Variants in AGAP9 observed in about 807,000 individuals in gnomAD.
AGAP9 encodes ArfGAP with GTPase domain, ankyrin repeat and PH domain 9, also known as arf-GAP with GTPase, ANK repeat and PH domain-containing protein 9.
AGAP9 carries 23 observed loss-of-function variants against 55.6 expected under a neutral mutation model. The ratio of observed to expected loss-of-function variants is 0.41; its 90% confidence interval spans 0.30 to 0.59. AGAP9 has a LOEUF of 0.59. Ranked by LOEUF, AGAP9 falls within the 20% of genes least tolerant of loss-of-function variation. AGAP9 has a pLI of 0.25. For synonymous variants in AGAP9, 120 were observed against 305.0 expected (o/e 0.39, Z 6.32); for missense variants, 309 against 808.1 (o/e 0.38, Z 7.49).
intron 6 of AGAP9, among the ~76,000 whole-genome samples, chr10:47,506,818 T>C (rs1292257207): frequency 7.1e-6 from 1 of 141,230 alleles, no homozygotes; most frequent in African/African-American, 2.6e-5. Flanking sequence ...TTTTTGTATT[T>C]TTAGTAGAGA....
rs1434292518 is a variant in AGAP9 at position 47,502,761 on chromosome 10, G to A, written c.1368C>T (p.Ser456=). The part of the protein sequence containing the change: ...LQSCKSSKSK[S]QLTSQSEAMA... ...TGGCCTCACTCTGGCTGGTCAGCTG[G>A]GACTTGCTTTTACTGCTCTTGCATG... is the stretch of plus-strand genomic sequence containing the variant. Residue 456 remains serine (S), a synonymous_variant, in exon 8 of 8, where the codon TCC becomes TCT. Transcript: ENST00000452145. The A allele has an allele frequency of 1.6e-5, 26 of 1,589,948 alleles. No homozygotes were observed. Among genetic ancestry groups the A allele is most frequent in the Admixed American group, 3.4e-5 (2 of 58,482 alleles).
chr10:47,521,538 T>C (rs1214085081), intron 2 of AGAP9, among the ~76,000 whole-genome samples: 2 of 141,274 alleles, frequency 1.4e-5, no homozygotes, highest in Admixed American at 7.2e-5. Flanking sequence ...TCTAGAGTAA[T>C]GAAATCTCTG....
chr10:47,502,410 C>T lies in AGAP9; in HGVS notation c.1719G>A (p.Glu573=). 1.9e-6 allele frequency: 3 copies of T among 1,610,810 alleles called. No homozygotes were observed. Among genetic ancestry groups the T allele is most frequent in the Non-Finnish European group, 2.5e-6 (3 of 1,179,754 alleles). The part of the protein sequence containing the change: ...KEWWIRSKYE[E]KLFLAPLPCT... ...AGGGTAGTGGGGCCAGAAAGAGCTT[C>T]TCCTCATATTTGGAACGGATCCACC... Residue 573 remains glutamate (E), a synonymous_variant, in exon 8 of 8, where the codon GAG becomes GAA. Coordinates refer to ENST00000452145, the MANE Select transcript of AGAP9 (RefSeq NM_001190810.1).
Position 47,510,974 on chromosome 10 carries a change from C to T in AGAP9, c.397-703G>A, listed in dbSNP as rs1359886349. Among the ~76,000 whole-genome samples the T allele has an allele frequency of 1.1e-4, 14 of 130,726 alleles. 1 individual carries two copies. Among genetic ancestry groups the T allele is most frequent in the African/African-American group, 2.1e-4 (7 of 33,914 alleles). 85.8% of individuals were successfully genotyped at this position (130,726 alleles called of 152,430 possible). On this transcript the variant is annotated intron_variant, in intron 4 of 7. Transcript: ENST00000452145. ...TTTATTTATTTTTGAGACGGAGTCT[C>T]GCTCTGTAGCCCAGGCTGGAGTGCA...
Position 47,514,379 on chromosome 10 carries a change from A to G in AGAP9, c.396+3444T>C, listed in dbSNP as rs1251132003. On this transcript the variant is annotated intron_variant, in intron 4 of 7. Transcript: ENST00000452145. ...AATAACTCAGCATGGAAAACCAAAT[A>G]TCATGTTCTCTTTCCTACGTGGGAG... Among the ~76,000 whole-genome samples the G allele has an allele frequency of 1.3e-4, 19 of 147,266 alleles. No individual in the cohort carries two copies. In the East Asian group the frequency reaches 3.8e-3, roughly 30 times the overall value.
Position 47,514,045 on chromosome 10 carries a change from G to A in AGAP9, c.397-3774C>T, listed in dbSNP as rs1351211189. On this transcript the variant is annotated intron_variant, in intron 4 of 7. Coordinates refer to ENST00000452145, the MANE Select transcript of AGAP9 (RefSeq NM_001190810.1). Reference sequence around the variant, plus strand: ...AACAAATAGGTGAGACTTAACTAAAGAGCTTCTGCACAGGAAAAGGAACAA... The same window carrying A: ...AACAAATAGGTGAGACTTAACTAAAAAGCTTCTGCACAGGAAAAGGAACAA... 1.2e-3 allele frequency among the ~76,000 whole-genome samples: 166 copies of A among 141,642 alleles called. 8 individuals are homozygous for A. Among genetic ancestry groups the A allele is most frequent in the African/African-American group, 4.1e-3 (161 of 38,880 alleles). The allele number at this position is 141,642 out of a possible 152,430, so 92.9% of individuals were successfully genotyped here. A position where few individuals can be genotyped will look rare whatever the true frequency, so the allele number is the denominator to read the frequency against.
intron 3 of AGAP9, among the ~76,000 whole-genome samples, chr10:47,519,195 C>T (rs1290119993): frequency 3.0e-5 from 4 of 134,670 alleles, no homozygotes; most frequent in African/African-American, 5.9e-5. Context: ...TGGCCAGGTG[C>T]GGTGGCTGAA....
At chr10:47,523,241 A>T in intron 1 of AGAP9, 63 bp downstream of exon 1, 2 of 1,574,168 alleles carry the variant, frequency 1.3e-6, no homozygotes, top group South Asian at 2.2e-5. Flanking sequence ...CCTCAAAGGG[A>T]ACCTTGGGGA....
rs1840508882 is a variant in AGAP9, at chr10:47,507,556, G to A, written c.525C>T (p.Ile175=). The A allele has an allele frequency of 6.5e-7, 1 of 1,527,148 alleles. No individual in the cohort carries two copies. The highest frequency in any genetic ancestry group is 1.8e-5 in the Admixed American group (1 of 54,656). The allele number at this position is 1,527,148 out of a possible 1,614,324, so 94.6% of individuals were successfully genotyped here. A position where few individuals can be genotyped will look rare whatever the true frequency, so the allele number is the denominator to read the frequency against. The change falls in exon 6 of 8, where the codon ATC becomes ATT. Residue 175 remains isoleucine (I), a synonymous_variant. Coordinates refer to ENST00000452145, the MANE Select transcript of AGAP9 (RefSeq NM_001190810.1). ...ISVTLEIPHH[I]TQRDADRSLS... is the part of the protein sequence containing the mutation. ...GTTTCTAAAAAGCTCACCTTTGTGTGATATGATGAGGTATCTCCAAGGTCA... is the reference window on the plus strand; with the variant it reads ...GTTTCTAAAAAGCTCACCTTTGTGTAATATGATGAGGTATCTCCAAGGTCA...
chr10:47,513,921 A>C (rs1169441575), intron 4 of AGAP9, among the ~76,000 whole-genome samples: 2 of 135,994 alleles, frequency 1.5e-5, no homozygotes, highest in African/African-American at 2.7e-5. Flanking sequence ...TATGACCTGA[A>C]ACCATAAAAG....
At chr10:47,504,791 G>T (rs1171981265) in intron 6 of AGAP9, among the ~76,000 whole-genome samples, 1 of 140,424 alleles carries the variant, frequency 7.1e-6, no homozygotes, top group Non-Finnish European at 1.5e-5. Flanking sequence ...GTGCTCTGTG[G>T]ACCTCTCGGG....
At chr10:47,514,175 C>T (rs1565832665) in intron 4 of AGAP9, among the ~76,000 whole-genome samples, 2 of 144,376 alleles carry the variant, frequency 1.4e-5, no homozygotes, top group African/African-American at 5.2e-5. Flanking sequence ...AAACAAATTA[C>T]AATTACAAAA....
intron 3 of AGAP9, among the ~76,000 whole-genome samples, chr10:47,519,524 G>A (rs1205320219): frequency 4.2e-4 from 43 of 102,588 alleles, no homozygotes; most frequent in Non-Finnish European, 9.5e-5. Context: ...CTCTTTCACC[G>A]TGTGGAACCA....
At chr10:47,511,231 C>G (rs1206947570) in intron 4 of AGAP9, among the ~76,000 whole-genome samples, 2 of 141,384 alleles carry the variant, frequency 1.4e-5, no homozygotes. Context: ...GCGTGAGCCA[C>G]GGCGCCCAGT....
intron 4 of AGAP9, among the ~76,000 whole-genome samples, chr10:47,514,274 T>G (rs1484175867): frequency 6.7e-6 from 1 of 150,262 alleles, no homozygotes; most frequent in Non-Finnish European, 1.5e-5. Context: ...ATATGAGGAA[T>G]ACCACCTCAG....
At position 47,502,281 on chromosome 10, in the gene AGAP9, G is replaced by A. The variant is rs1307691557; in HGVS notation, c.1848C>T (p.Asn616=). ...LLAHGSREEV[N]ETCGEGDGCT... ...AGCCGTCTCCCTCCCCACAGGTCTC[G>A]TTCACCTCCTCACGGGAGCCATGTG... The change falls in exon 8 of 8, where the codon AAC becomes AAT. Residue 616 remains asparagine, a synonymous_variant. Coordinates refer to ENST00000452145, the MANE Select transcript of AGAP9 (RefSeq NM_001190810.1). 22 of 1,409,242 alleles carry A rather than the reference G, an allele frequency of 1.6e-5. 1 individual carries two copies. Among genetic ancestry groups the A allele is most frequent in the Admixed American group, 9.2e-5 (5 of 54,410 alleles). 87.3% of individuals were successfully genotyped at this position (1,409,242 alleles called of 1,614,324 possible). A position where few individuals can be genotyped will look rare whatever the true frequency, so the allele number is the denominator to read the frequency against.
At chr10:47,511,296 CA>C (rs1182544317) in intron 4 of AGAP9, among the ~76,000 whole-genome samples, 1 of 142,514 alleles carries the variant, frequency 7.0e-6, no homozygotes, top group Non-Finnish European at 1.5e-5. Context: ...AATCCTGCTA[CA>C]AGAGCACTTT....
rs1184053451 is a variant in AGAP9, at chr10:47,502,452, C to T, written c.1677G>A (p.Thr559=). ...QGQTKPSIKS[T]REEKEWWIRS... Reference sequence around the variant, plus strand: ...GGATCCACCATTCCTTCTCTTCCCTCGTGGACTTTATTGAGGGTTTTGTCT... The same window carrying T: ...GGATCCACCATTCCTTCTCTTCCCTTGTGGACTTTATTGAGGGTTTTGTCT... Residue 559 remains threonine (T), a synonymous_variant, in exon 8 of 8, where the codon ACG becomes ACA. Transcript: ENST00000452145. The T allele has an allele frequency of 3.9e-4, 627 of 1,612,530 alleles. 6 individuals carry two copies. In the South Asian group the frequency reaches 6.3e-3, roughly 16 times the overall value.
intron 4 of AGAP9, among the ~76,000 whole-genome samples, chr10:47,514,244 C>T (rs1840686334): frequency 6.7e-6 from 1 of 149,454 alleles, no homozygotes; most frequent in Non-Finnish European, 1.5e-5. Flanking sequence ...CTGTGATATA[C>T]ATACATATTA....
Sources: allele counts gnomAD v4.1 joint callset (sites outside exome capture counted in the v4.1 genomes callset), GRCh38; gene constraint gnomAD v4.1.1; transcripts MANE v1.5; gene names NCBI Gene and HGNC (gene_info 2026-07-23, HGNC 2026-07-21).